CDC20B: variants seen among roughly 807,000 people sequenced by gnomAD.
CDC20B encodes cell division cycle protein 20 homolog B.
Under a neutral mutation model 64.1 loss-of-function variants are expected in CDC20B, and 58 were observed. That is an observed-to-expected ratio of 0.90 (90% CI 0.73 to 1.13). The LOEUF is 1.13. Ranked by LOEUF, CDC20B falls within the 50% of genes most tolerant of loss-of-function variation. The pLI is 0.00. For synonymous variants in CDC20B, 243 were observed against 230.6 expected, an observed-to-expected ratio of 1.05 and a Z score of -0.49; for missense variants, 597 against 633.0, an observed-to-expected ratio of 0.94 and a Z score of 0.61.
intron 11 of CDC20B, among the ~76,000 whole-genome samples, chr5:55,117,660 G>T (rs1742655337): frequency 6.6e-6 from 1 of 151,998 alleles, no homozygotes; most frequent in Non-Finnish European, 1.5e-5. Flanking sequence ...CTAGGCCAGG[G>T]GACACAGCAG....
intron 4 of CDC20B, among the ~76,000 whole-genome samples, chr5:55,140,891 C>T (rs1297809694): frequency 6.6e-6 from 1 of 152,160 alleles, no homozygotes; most frequent in Non-Finnish European, 1.5e-5. Flanking sequence ...ACTCTTACAT[C>T]CAACTTCAAT....
chr5:55,128,251 A>G (rs1335356465), intron 7 of CDC20B, among the ~76,000 whole-genome samples, 170 bp downstream of exon 7: 2 of 147,618 alleles, frequency 1.4e-5, no homozygotes, highest in African/African-American at 5.0e-5. Context: ...TTCATTAAAA[A>G]CCATTCAGTA....
At chr5:55,152,853 C>G (rs1743706136) in intron 2 of CDC20B, among the ~76,000 whole-genome samples, 1 of 152,136 alleles carries the variant, frequency 6.6e-6, no homozygotes, top group Non-Finnish European at 1.5e-5. Flanking sequence ...ATCTCTTCCC[C>G]TAGAGGCAGT....
intron 2 of CDC20B, among the ~76,000 whole-genome samples, chr5:55,159,770 C>T (rs2111930541): frequency 6.6e-6 from 1 of 152,292 alleles, no homozygotes; most frequent in East Asian, 1.9e-4. Flanking sequence ...GAGTAGGTCA[C>T]ATTTAATCTA....
intron 6 of CDC20B, among the ~76,000 whole-genome samples, chr5:55,130,442 C>A (rs1225197601): frequency 6.6e-6 from 1 of 152,134 alleles, no homozygotes; most frequent in Non-Finnish European, 1.5e-5. Flanking sequence ...AGCAGGATAA[C>A]AAGGTGACCA....
At position 55,173,046 on chromosome 5, in the gene CDC20B, C is replaced by A. The variant is rs768098392; in HGVS notation, c.-46G>T. 1 of 1,552,808 alleles carries A rather than the reference C, an allele frequency of 6.4e-7. No homozygotes were observed. Among genetic ancestry groups the A allele is most frequent in the African/African-American group, 1.4e-5 (1 of 73,526 alleles). ...CCTGGCGTTTGGCCTCTCTGCTCGA[C>A]TGCCTCTGGTTTTCTTCCCAGGTCT... On this transcript the variant is annotated 5_prime_UTR_variant, in exon 1 of 12. Coordinates refer to ENST00000381375, the MANE Select transcript of CDC20B (RefSeq NM_001170402.1).
intron 2 of CDC20B, chr5:55,161,261 T>TA (rs773148641): frequency 1.9e-6 from 3 of 1,612,348 alleles, no homozygotes; most frequent in Non-Finnish European, 2.5e-6. Flanking sequence ...TGTTGGTAAA[T>TA]ATCTGCCTTG....
intron 11 of CDC20B, among the ~76,000 whole-genome samples, chr5:55,118,217 A>G (rs1272651652): frequency 6.6e-6 from 1 of 152,212 alleles, no homozygotes; most frequent in Non-Finnish European, 1.5e-5. Flanking sequence ...ATGTTTTTGT[A>G]TTAACAACTT....
intron 2 of CDC20B, chr5:55,160,566 AAATAATAAATTCC>A: frequency 5.2e-6 from 3 of 573,344 alleles, no homozygotes; most frequent in Non-Finnish European, 9.1e-6. Context: ...GTTTGCTTCT[AAATAATAAATTCC>A]GATTATCTCG....
rs930334686 is a variant in CDC20B, at chr5:55,114,062, A to C, written c.*156T>G. On this transcript the variant is annotated 3_prime_UTR_variant, in exon 12 of 12. Coordinates refer to ENST00000381375, the MANE Select transcript of CDC20B (RefSeq NM_001170402.1). This position sits in a 1 kb window ranked among gnomAD's most constrained non-coding sequence, Gnocchi z 4.1. ...GGATCTCTGGGAAGCAGAGCAAGTA[A>C]AGCAATCTGCAAAAGAAGAACAGGA... The C allele has an allele frequency of 1.5e-6, 2 of 1,331,474 alleles. No individual in the cohort carries two copies. The highest frequency in any genetic ancestry group is 6.0e-5 in the Admixed American group (2 of 33,180). 82.5% of individuals were successfully genotyped at this position (1,331,474 alleles called of 1,614,324 possible).
At chr5:55,143,741 T>C in intron 3 of CDC20B, 98 bp from the exon 4 acceptor site, 2 of 1,226,992 alleles carry the variant, frequency 1.6e-6, no homozygotes, top group Non-Finnish European at 2.3e-6. Flanking sequence ...AAGGACAGAG[T>C]GAAAAAGCCC....
intron 2 of CDC20B, among the ~76,000 whole-genome samples, chr5:55,161,883 G>A (rs13356730): frequency 0.12 from 17,941 of 152,092 alleles, 1,229 homozygotes; most frequent in East Asian, 0.26. Flanking sequence ...ATAGGCTTTG[G>A]CCTCAAGCTA....
chr5:55,114,569 C>T lies in CDC20B; in HGVS notation c.1460-251G>A. ...CTGTGGCTGCCATAACAAATTACCA[C>T]CCATTGGGTGGCTTAAAACAACAGA... On this transcript the variant is annotated intron_variant, in intron 11 of 11. Transcript: ENST00000381375. The surrounding 1 kb of genome is among the most constrained non-coding windows in gnomAD (Gnocchi z 4.1). 6.6e-6 allele frequency among the ~76,000 whole-genome samples: 1 copy of T among 152,212 alleles called. No individual in the cohort carries two copies. Among genetic ancestry groups the T allele is most frequent in the East Asian group, 1.9e-4 (1 of 5,196 alleles).
At chr5:55,170,208 A>G (rs1014287577) in intron 2 of CDC20B, among the ~76,000 whole-genome samples, 1 of 152,328 alleles carries the variant, frequency 6.6e-6, no homozygotes, top group Admixed American at 6.5e-5. Context: ...CCACATTGTT[A>G]TTACATTCTA....
At chr5:55,117,229 G>A (rs1742644602) in intron 11 of CDC20B, among the ~76,000 whole-genome samples, 1 of 152,070 alleles carries the variant, frequency 6.6e-6, no homozygotes, top group Admixed American at 6.5e-5. Flanking sequence ...GTAGTCAGGT[G>A]GGTGAGGTCT....
chr5:55,159,553 G>A (rs1275484068), intron 2 of CDC20B, among the ~76,000 whole-genome samples: 3 of 152,176 alleles, frequency 2.0e-5, no homozygotes, highest in South Asian at 4.1e-4. Context: ...CTATGATAGA[G>A]AAGGGTTTCT....
At chr5:55,172,729 C>T in intron 1 of CDC20B, 79 bp from the exon 2 acceptor site, 5 of 826,166 alleles carry the variant, frequency 6.1e-6, no homozygotes, top group East Asian at 3.0e-5. Context: ...TTTTCTAGAT[C>T]TTGTGCTTGT....
chr5:55,165,133 C>T (rs1046604522), intron 2 of CDC20B: 1 of 152,188 alleles, frequency 6.6e-6, no homozygotes, highest in African/African-American at 2.4e-5. Flanking sequence ...AATGCTGCAT[C>T]ATTCTGATAG....
At chr5:55,165,640 C>T (rs952388521) in intron 2 of CDC20B, 1 of 152,196 alleles carries the variant, frequency 6.6e-6, no homozygotes, top group African/African-American at 2.4e-5. Context: ...AGCCACCCAG[C>T]TATGAATGTA....
Sources: allele counts gnomAD v4.1 joint callset (sites outside exome capture counted in the v4.1 genomes callset), GRCh38; gene constraint gnomAD v4.1.1; non-coding constraint Gnocchi (gnomAD v3.1); transcripts MANE v1.5; gene names NCBI Gene and HGNC (gene_info 2026-07-23, HGNC 2026-07-21).